SETX: variants seen among roughly 807,000 people sequenced by gnomAD.
The protein encoded by SETX is helicase senataxin.
SETX carries 90 observed loss-of-function variants against 227.2 expected under a neutral mutation model. The ratio of observed to expected loss-of-function variants is 0.40; its 90% CI spans 0.33 to 0.47. The LOEUF is 0.47. Among genes scored for constraint, SETX ranks in the 20% least tolerant of loss-of-function variants. SETX has a pLI of 0.91. For synonymous variants in SETX, 1,210 were observed against 1,113.2 expected, an observed-to-expected ratio of 1.09 and a Z score of -1.73; for missense variants, 3,052 against 3,181.5, an observed-to-expected ratio of 0.96 and a Z score of 0.98.
At chr9:132,275,142 G>T in intron 23 of SETX, 114 bp downstream of exon 23, 3 of 1,136,394 alleles carry the variant, frequency 2.6e-6, no homozygotes, top group South Asian at 1.3e-5. Flanking sequence ...TCCTCGTGCC[G>T]TATCACCAAT....
chr9:132,323,816 C>T lies in SETX; in HGVS notation c.5274+2508G>A, dbSNP rs118151937. ...TATTCAAGAGGCTGTGGTGGAAGGA[C>T]TACCAGAGGCCAAGAGGTTGAGGCT... On this transcript the variant is annotated intron_variant, in intron 10 of 25. Transcript: ENST00000224140. 6.7e-3 allele frequency among the ~76,000 whole-genome samples: 1,023 copies of T among 151,972 alleles called. 12 individuals carry two copies. Among genetic ancestry groups the T allele is most frequent in the Non-Finnish European group, 0.01 (711 of 67,974 alleles).
chr9:132,271,574 G>C (rs1842904628), intron 24 of SETX, 136 bp downstream of exon 24: 1 of 775,050 alleles, frequency 1.3e-6, no homozygotes, highest in African/African-American at 1.7e-5. Flanking sequence ...AACTTTCATA[G>C]TATTACACAG....
chr9:132,342,625 T>A, intron 5 of SETX, 65 bp downstream of exon 5: 1 of 1,137,422 alleles, frequency 8.8e-7, no homozygotes, highest in Non-Finnish European at 1.3e-6. Context: ...CAAAAACCGC[T>A]ATTATAGCTA....
intron 11 of SETX, among the ~76,000 whole-genome samples, chr9:132,304,599 C>A (rs1356318397): frequency 6.8e-6 from 1 of 147,214 alleles, no homozygotes; most frequent in African/African-American, 2.5e-5. Context: ...CGCCACTGAA[C>A]GTCAGCCTGG....
At chr9:132,343,984 T>C (rs1050519070) in intron 4 of SETX, among the ~76,000 whole-genome samples, 67 of 152,106 alleles carry the variant, frequency 4.4e-4, no homozygotes, top group African/African-American at 1.6e-3. Context: ...AGGGCACATG[T>C]TGGTTTCCGT....
rs1842449892 is a variant in SETX at position 132,262,504 on chromosome 9, T to C, written c.*1735A>G. ...CTTGACCCAGACAGAATGGGACCCA[T>C]CCCTACCCGTCCTGAACTGTCGCAC... is the stretch of plus-strand genomic sequence containing the variant. On this transcript the variant is annotated 3_prime_UTR_variant, in exon 26 of 26. Coordinates refer to ENST00000224140, the MANE Select transcript of SETX (RefSeq NM_015046.7). 1 of 152,188 alleles carries C rather than the reference T, an allele frequency of 6.6e-6. No homozygotes were observed. Among genetic ancestry groups the C allele is most frequent in the Middle Eastern group, 3.2e-3 (1 of 316 alleles). The allele number at this position is 152,188 out of a possible 1,614,324, so 9.4% of individuals were successfully genotyped here.
intron 5 of SETX, among the ~76,000 whole-genome samples, chr9:132,340,347 T>C (rs1050179456): frequency 6.6e-6 from 1 of 152,250 alleles, no homozygotes; most frequent in Non-Finnish European, 1.5e-5. Context: ...TTAAATTTAC[T>C]GGACAAGTGT....
In SETX at chr9:132,271,747, T is replaced by C; in HGVS notation, c.7162A>G (p.Thr2388Ala). The change falls in exon 24 of 26, where the codon ACG becomes GCG. Residue 2388 changes from threonine to alanine, a missense_variant. This residue lies in a region of SETX where 412 missense variants were observed against 589.0 expected (regional missense o/e 0.70). Transcript: ENST00000224140. Reference sequence around the variant, plus strand: ...TGGATGCTATTTGCTCTGACACACGTAACAATAACACAATCCTTCTGCCGA... The same window carrying C: ...TGGATGCTATTTGCTCTGACACACGCAACAATAACACAATCCTTCTGCCGA... ...QGRQKDCVIV[T>A]CVRANSIQGS... 1.9e-6 allele frequency: 3 copies of C among 1,614,168 alleles called. No homozygotes were observed. The highest frequency in any genetic ancestry group is 2.5e-6 in the Non-Finnish European group (3 of 1,180,002).
chr9:132,287,512 C>T (rs921443086), intron 17 of SETX, among the ~76,000 whole-genome samples: 2 of 151,946 alleles, frequency 1.3e-5, no homozygotes, highest in Non-Finnish European at 2.9e-5. Context: ...AAAAACGCAA[C>T]ACCCCATCTA....
intron 10 of SETX, among the ~76,000 whole-genome samples, chr9:132,321,746 G>A (rs1846362265): frequency 6.6e-6 from 1 of 151,686 alleles, no homozygotes; most frequent in South Asian, 2.1e-4. Flanking sequence ...TACTCAGGAG[G>A]CTGAGACAGG....
chr9:132,304,863 T>C (rs1485806877), intron 11 of SETX, among the ~76,000 whole-genome samples: 3 of 151,948 alleles, frequency 2.0e-5, no homozygotes, highest in African/African-American at 7.3e-5. Flanking sequence ...CCAGGCATGG[T>C]GGCACATGCC....
At chr9:132,322,591 G>A (rs1164243490) in intron 10 of SETX, among the ~76,000 whole-genome samples, 1 of 152,154 alleles carries the variant, frequency 6.6e-6, no homozygotes, top group East Asian at 1.9e-4. Flanking sequence ...TTCATTGTAT[G>A]AACAGACCTG....
chr9:132,325,229 G>A (rs906996811), intron 10 of SETX, among the ~76,000 whole-genome samples: 1 of 152,112 alleles, frequency 6.6e-6, no homozygotes, highest in African/African-American at 2.4e-5. Context: ...GGTGGCGAGA[G>A]CCTATAGTCT....
At chr9:132,288,137 C>T (rs1191043271) in intron 17 of SETX, 99 bp downstream of exon 17, 2 of 926,440 alleles carry the variant, frequency 2.2e-6, no homozygotes, top group Admixed American at 2.0e-5. Flanking sequence ...GATTGTGCTA[C>T]TGCACTCCAG....
At chr9:132,347,308 G>A (rs1057444521) in intron 3 of SETX, among the ~76,000 whole-genome samples, 29 of 151,626 alleles carry the variant, frequency 1.9e-4, no homozygotes, top group African/African-American at 6.5e-4. Context: ...AGTATGCTAT[G>A]TTTAAACACT....
chr9:132,330,041 A>C lies in SETX; in HGVS notation c.1557T>G (p.Ser519=). The C allele has an allele frequency of 6.2e-7, 1 of 1,614,124 alleles. No individual in the cohort carries two copies. Among genetic ancestry groups the C allele is most frequent in the East Asian group, 2.2e-5 (1 of 44,890 alleles). ...GNCSKGTAMI[S]SLSLHSMPSN... is the part of the protein sequence containing the mutation. ...ATGGCATGGAATGCAATGACAGTGA[A>C]GATATCATTGCTGTTCCTTTGGAGC... Residue 519 remains serine, a synonymous_variant, in exon 10 of 26, where the codon TCT becomes TCG. Coordinates refer to ENST00000224140, the MANE Select transcript of SETX (RefSeq NM_015046.7).
chr9:132,343,096 G>C (rs1204379928), intron 4 of SETX, among the ~76,000 whole-genome samples: 1 of 152,040 alleles, frequency 6.6e-6, no homozygotes, highest in Non-Finnish European at 1.5e-5. Flanking sequence ...GAGGCGGGCG[G>C]ATCACAAGGT....
chr9:132,321,320 G>A (rs143275322), intron 10 of SETX, among the ~76,000 whole-genome samples: 2,147 of 152,024 alleles, frequency 0.014, 53 homozygotes, highest in African/African-American at 0.05. Context: ...AGGAGTTTGA[G>A]ACCAGCCTGA....
intron 10 of SETX, among the ~76,000 whole-genome samples, chr9:132,326,065 C>T (rs1021739724): frequency 4.0e-5 from 6 of 150,978 alleles, no homozygotes; most frequent in African/African-American, 1.5e-4. Context: ...TTTAACTATA[C>T]TTTTTTTTGT....
Sources: allele counts gnomAD v4.1 joint callset (sites outside exome capture counted in the v4.1 genomes callset), GRCh38; gene constraint gnomAD v4.1.1; regional missense constraint gnomAD v4.1.1; transcripts MANE v1.5; gene names NCBI Gene and HGNC (gene_info 2026-07-23, HGNC 2026-07-21).